Variants in SUPT3H observed in about 807,000 individuals in gnomAD.
SUPT3H encodes transcription initiation protein SPT3 homolog.
SUPT3H carries 44 observed loss-of-function variants against 44.3 expected under a neutral mutation model. The ratio of observed to expected loss-of-function variants is 0.99; its 90% CI spans 0.78 to 1.28. SUPT3H has a LOEUF of 1.28. Ranked by LOEUF, SUPT3H falls within the 50% of genes most tolerant of loss-of-function variation. SUPT3H has a pLI of 0.00. For synonymous variants in SUPT3H, 124 were observed against 125.6 expected, an observed-to-expected ratio of 0.99 and a Z score of 0.09; for missense variants, 380 against 387.1, an observed-to-expected ratio of 0.98 and a Z score of 0.15.
intron 10 of SUPT3H, among the ~76,000 whole-genome samples, chr6:44,830,576 G>A (rs1768481235): frequency 6.6e-6 from 1 of 152,078 alleles, no homozygotes; most frequent in Admixed American, 6.6e-5. Flanking sequence ...GACATATTTT[G>A]CATTTCAGTG....
intron 2 of SUPT3H, among the ~76,000 whole-genome samples, chr6:45,146,976 T>C (rs1414877082): frequency 6.6e-6 from 1 of 152,136 alleles, no homozygotes. Context: ...ACAACAAGAA[T>C]AGGTAACATC....
intron 2 of SUPT3H, among the ~76,000 whole-genome samples, chr6:45,252,634 G>A (rs528066342): frequency 6.6e-6 from 1 of 151,490 alleles, no homozygotes; most frequent in South Asian, 2.1e-4. Flanking sequence ...AATACAAACA[G>A]GCACCTGAAA....
At chr6:45,286,525 A>G (rs1439353175) in intron 2 of SUPT3H, among the ~76,000 whole-genome samples, 1 of 152,234 alleles carries the variant, frequency 6.6e-6, no homozygotes, top group African/African-American at 2.4e-5. Context: ...AGAAATGCAA[A>G]TCAAAACGAC....
chr6:45,255,333 T>C (rs1773168890), intron 2 of SUPT3H, among the ~76,000 whole-genome samples: 1 of 152,140 alleles, frequency 6.6e-6, no homozygotes, highest in African/African-American at 2.4e-5. Context: ...TTTATCATTA[T>C]TTAAGTGCTT....
rs1326662955 is a variant in SUPT3H at position 45,157,390 on chromosome 6, C to G, written c.102-51384G>C. Among the ~76,000 whole-genome samples the G allele has an allele frequency of 2.0e-5, 3 of 151,820 alleles. No homozygotes were observed. The South Asian group carries it at 6.2e-4, about 32-fold the overall frequency. ...AATGTATGACAAGACCAGTCATTCT[C>G]AACTTGGCTGCACATTAGACTCACC... On this transcript the variant is annotated intron_variant, in intron 2 of 10. Coordinates refer to ENST00000371459, the MANE Select transcript of SUPT3H (RefSeq NM_003599.4).
chr6:45,022,364 G>A (rs1447774405), intron 3 of SUPT3H, among the ~76,000 whole-genome samples: 1 of 149,228 alleles, frequency 6.7e-6, no homozygotes, highest in Non-Finnish European at 1.5e-5. Context: ...GCCAGGATAA[G>A]TATGATAATA....
At chr6:44,968,400 A>G (rs541434477) in intron 6 of SUPT3H, among the ~76,000 whole-genome samples, 8 of 152,286 alleles carry the variant, frequency 5.3e-5, no homozygotes, top group African/African-American at 1.4e-4. Flanking sequence ...CGAAGAAACC[A>G]TATCTCTAAC....
intron 2 of SUPT3H, among the ~76,000 whole-genome samples, chr6:45,165,157 C>T (rs769817212): frequency 2.3e-4 from 35 of 152,286 alleles, no homozygotes; most frequent in Admixed American, 6.5e-4. Context: ...GAGAGAAATT[C>T]CCTGTCTGTG....
chr6:45,328,177 G>A, intron 2 of SUPT3H: 2 of 844,202 alleles, frequency 2.4e-6, no homozygotes, highest in South Asian at 3.7e-5. Context: ...GAGAGAGAAA[G>A]AGCAAGGGGG....
chr6:45,244,186 T>C (rs143875409), intron 2 of SUPT3H, among the ~76,000 whole-genome samples: 2,719 of 152,280 alleles, frequency 0.018, 54 homozygotes, highest in South Asian at 0.093. Context: ...TGTTTTGCTT[T>C]TGGCTGATTA....
intron 2 of SUPT3H, chr6:45,322,880 T>G (rs200251789): frequency 6.2e-7 from 1 of 1,612,026 alleles, no homozygotes; most frequent in East Asian, 2.2e-5. Context: ...CTGTCTCACC[T>G]GTCAAAGTTG....
intron 4 of SUPT3H, 110 bp downstream of exon 4, chr6:45,020,436 A>G (rs1266255957): frequency 1.1e-5 from 8 of 753,676 alleles, no homozygotes; most frequent in Non-Finnish European, 1.7e-5. Context: ...CATCAGTTCA[A>G]TAGTTATTAT....
chr6:45,365,904 GTAAA>G (rs1377746815), intron 1 of SUPT3H, among the ~76,000 whole-genome samples: 1 of 151,768 alleles, frequency 6.6e-6, no homozygotes, highest in Non-Finnish European at 1.5e-5. Flanking sequence ...AATCCTATGG[GTAAA>G]TAACTTACTC....
chr6:45,348,497 T>A (rs1376155604), intron 2 of SUPT3H, among the ~76,000 whole-genome samples: 1 of 47,640 alleles, frequency 2.1e-5, no homozygotes, highest in Admixed American at 2.4e-4. Flanking sequence ...TGAAACCCCG[T>A]CTCTACTAAA....
intron 2 of SUPT3H, among the ~76,000 whole-genome samples, chr6:45,355,367 T>C (rs1238638826): frequency 6.6e-6 from 1 of 152,038 alleles, no homozygotes; most frequent in East Asian, 1.9e-4. Flanking sequence ...AAACTGTCTC[T>C]ATGAGGAAGT....
At chr6:45,259,102 A>G (rs1026334091) in intron 2 of SUPT3H, among the ~76,000 whole-genome samples, 5 of 152,164 alleles carry the variant, frequency 3.3e-5, no homozygotes, top group Non-Finnish European at 5.9e-5. Context: ...CTTGTAAATT[A>G]GTGTGTATGC....
intron 2 of SUPT3H, among the ~76,000 whole-genome samples, chr6:45,219,581 G>C (rs148694375): frequency 4.6e-5 from 7 of 152,218 alleles, no homozygotes; most frequent in Non-Finnish European, 7.4e-5. Flanking sequence ...AATACAACCA[G>C]TGTGAAATGG....
chr6:44,945,623 C>T (rs996050397), intron 9 of SUPT3H, among the ~76,000 whole-genome samples: 4 of 152,162 alleles, frequency 2.6e-5, no homozygotes, highest in Non-Finnish European at 5.9e-5. Context: ...AAGCCTAATC[C>T]AGAGCAAGGT....
chr6:45,054,587 C>G (rs755808141), intron 3 of SUPT3H, among the ~76,000 whole-genome samples: 1 of 152,134 alleles, frequency 6.6e-6, no homozygotes, highest in Non-Finnish European at 1.5e-5. Flanking sequence ...ACAAATATCT[C>G]AGCCATGAAC....
Sources: allele counts gnomAD v4.1 joint callset (sites outside exome capture counted in the v4.1 genomes callset), GRCh38; gene constraint gnomAD v4.1.1; transcripts MANE v1.5; gene names NCBI Gene and HGNC (gene_info 2026-07-23, HGNC 2026-07-21).